Variants in ARIH2 observed in about 807,000 individuals in gnomAD.
The protein encoded by ARIH2 is E3 ubiquitin-protein ligase ARIH2.
ARIH2 carries 12 observed loss-of-function variants against 79.8 expected under a neutral mutation model. That is an observed-to-expected ratio of 0.15 (90% CI 0.10 to 0.24). The LOEUF is 0.24. Among genes scored for constraint, ARIH2 ranks in the 10% least tolerant of loss-of-function variants. ARIH2 has a pLI of 1.00. For missense variants in ARIH2, 301 were observed against 618.3 expected (o/e 0.49, Z 5.44); for synonymous variants, 224 against 213.9 (o/e 1.05, Z -0.41).
At chr3:48,971,533 C>T (rs528434128) in intron 8 of ARIH2, among the ~76,000 whole-genome samples, 3 of 152,248 alleles carry the variant, frequency 2.0e-5, no homozygotes, top group African/African-American at 4.8e-5. Context: ...TTGAGCCAAC[C>T]GCGCCTAGCC....
At chr3:48,937,029 A>G (rs1461199875) in intron 3 of ARIH2, among the ~76,000 whole-genome samples, 1 of 151,396 alleles carries the variant, frequency 6.6e-6, no homozygotes, top group Non-Finnish European at 1.5e-5. Flanking sequence ...CTCCGTCTCA[A>G]AAAAAAAAAC....
chr3:48,977,295 GT>G (rs1221385584), intron 11 of ARIH2, among the ~76,000 whole-genome samples: 1 of 151,884 alleles, frequency 6.6e-6, no homozygotes, highest in East Asian at 1.9e-4. Flanking sequence ...GTGGTTTTTT[GT>G]TTTGTTTTGT....
chr3:48,978,086 TTC>T lies in ARIH2; in HGVS notation c.962-1393_962-1392del, dbSNP rs368001356. On this transcript the variant is annotated intron_variant, in intron 11 of 15. Coordinates refer to ENST00000356401, the MANE Select transcript of ARIH2 (RefSeq NM_006321.4). ...CAGGAGGACTTCAGACAAGTTTTGC[TTC>T]TCATAGCAGCCTTGACACAGATATA... is the stretch of plus-strand genomic sequence containing the variant. Among the ~76,000 whole-genome samples the T allele has an allele frequency of 3.8e-4, 58 of 152,250 alleles. 1 individual carries two copies. In the East Asian group the frequency reaches 6.0e-3, roughly 16 times the overall value.
At chr3:48,961,455 C>T (rs1192611817) in intron 3 of ARIH2, among the ~76,000 whole-genome samples, 157 bp from the exon 4 acceptor site, 1 of 152,064 alleles carries the variant, frequency 6.6e-6, no homozygotes, top group African/African-American at 2.4e-5. Context: ...TTGTAAGAGT[C>T]TAAACTTAAA....
chr3:48,967,580 C>G (rs541583520), intron 6 of ARIH2, among the ~76,000 whole-genome samples: 1 of 152,332 alleles, frequency 6.6e-6, no homozygotes, highest in South Asian at 2.1e-4. Flanking sequence ...GCAGCCATAA[C>G]TCAGAAATGC....
At chr3:48,953,960 T>G (rs1211520106) in intron 3 of ARIH2, among the ~76,000 whole-genome samples, 2 of 148,318 alleles carry the variant, frequency 1.3e-5, no homozygotes, top group African/African-American at 5.0e-5. Flanking sequence ...GGTCTGGAGT[T>G]TGAGACCAGC....
At chr3:48,968,455 T>A in intron 6 of ARIH2, 79 bp from the exon 7 acceptor site, 2 of 1,442,602 alleles carry the variant, frequency 1.4e-6, no homozygotes, top group Non-Finnish European at 1.9e-6. Flanking sequence ...GTGATCTGCC[T>A]GCCTTGGCCT....
chr3:48,936,759 G>A (rs1274457346), intron 3 of ARIH2, among the ~76,000 whole-genome samples: 2 of 149,106 alleles, frequency 1.3e-5, no homozygotes, highest in Middle Eastern at 4.1e-3. Context: ...GCCGGGCGCT[G>A]TGGCTCATGC....
At chr3:48,975,751 G>T (rs1458428036) in intron 11 of ARIH2, among the ~76,000 whole-genome samples, 1 of 151,882 alleles carries the variant, frequency 6.6e-6, no homozygotes, top group Non-Finnish European at 1.5e-5. Flanking sequence ...TTTTAGTAGA[G>T]ATGGGGGTTT....
At chr3:48,951,129 AT>A (rs2107392351) in intron 3 of ARIH2, among the ~76,000 whole-genome samples, 1 of 151,716 alleles carries the variant, frequency 6.6e-6, no homozygotes, top group African/African-American at 2.4e-5. Context: ...TGCCCAGCTA[AT>A]TTTTTGTACT....
intron 3 of ARIH2, chr3:48,943,673 C>T (rs1305821985): frequency 6.6e-6 from 1 of 151,946 alleles, no homozygotes; most frequent in East Asian, 1.9e-4. Context: ...ATGTTTCTAG[C>T]AAAAAGGGGT....
chr3:48,986,082 T>G lies in ARIH2; in HGVS notation c.*2812T>G, dbSNP rs559281709. The G allele has an allele frequency of 2.9e-3, 445 of 152,344 alleles. 4 individuals are homozygous for G. The highest frequency in any genetic ancestry group is 0.01 in the African/African-American group (422 of 41,546). The allele number at this position is 152,344 out of a possible 1,614,324, so 9.4% of individuals were successfully genotyped here. A position where few individuals can be genotyped will look rare whatever the true frequency, so the allele number is the denominator to read the frequency against. On this transcript the variant is annotated 3_prime_UTR_variant, in exon 16 of 16. Coordinates refer to ENST00000356401, the MANE Select transcript of ARIH2 (RefSeq NM_006321.4). ...TGTGGTGTCAGAAGTGGCAGTAGTG[T>G]CAGTGATAAGTAGCTCAGGGGTAGA...
At position 48,968,797 on chromosome 3, in the gene ARIH2, T is replaced by G. The variant is rs971234039; in HGVS notation, c.660+142T>G. 3 of 1,103,658 alleles carry G rather than the reference T, an allele frequency of 2.7e-6. No homozygotes were observed. The African/African-American group carries it at 4.8e-5, about 18-fold the overall frequency. 68.4% of individuals were successfully genotyped at this position (1,103,658 alleles called of 1,614,324 possible). The stretch of plus-strand genomic sequence containing the variant: ...GCGCTCCATGGCTTTAAAAAAAGTT[T>G]GAAAACCACTGGAGTGATAGTGAAG... On this transcript the variant is annotated intron_variant, in intron 7 of 15. Coordinates refer to ENST00000356401, the MANE Select transcript of ARIH2 (RefSeq NM_006321.4).
Position 48,927,841 on chromosome 3 carries a change from AT to A in ARIH2, c.255+29del, listed in dbSNP as rs761599424. The A allele has an allele frequency of 2.5e-6, 4 of 1,606,922 alleles. No individual in the cohort carries two copies. The African/African-American group carries it at 5.3e-5, about 21-fold the overall frequency. On this transcript the variant is annotated intron_variant, in intron 3 of 15. Coordinates refer to ENST00000356401, the MANE Select transcript of ARIH2 (RefSeq NM_006321.4). ...GAGCAGTGTTGTAAACTCCAGTGTA[AT>A]CCCCCCCAGTTAAATCTAAGGATGA...
chr3:48,934,713 T>A, intron 3 of ARIH2: 1 of 985,462 alleles, frequency 1.0e-6, no homozygotes, highest in Non-Finnish European at 1.2e-6. Flanking sequence ...CGATGAGAAA[T>A]GTCCAGAGTG....
At chr3:48,978,915 C>T (rs1223240666) in intron 11 of ARIH2, among the ~76,000 whole-genome samples, 2 of 151,086 alleles carry the variant, frequency 1.3e-5, no homozygotes, top group Non-Finnish European at 2.9e-5. Flanking sequence ...AAGCCAAGAT[C>T]GCGCCACTGC....
intron 3 of ARIH2, among the ~76,000 whole-genome samples, chr3:48,959,649 C>CAAAAAAAAAAAAAAAAAAAAAA (rs71077758): frequency 8.0e-5 from 4 of 50,120 alleles, no homozygotes; most frequent in East Asian, 7.3e-4. Context: ...TAAAAAATAC[C>CAAAAAAAAAAAAAAAAAAAAAA]AAAAAAAAAA....
At chr3:48,952,840 G>A (rs2090126347) in intron 3 of ARIH2, among the ~76,000 whole-genome samples, 1 of 152,172 alleles carries the variant, frequency 6.6e-6, no homozygotes, top group South Asian at 2.1e-4. Context: ...GCAAGATAAG[G>A]TATGAGAAAT....
chr3:48,933,612 C>T (rs1043824480), intron 3 of ARIH2, among the ~76,000 whole-genome samples: 14 of 146,692 alleles, frequency 9.5e-5, no homozygotes, highest in South Asian at 2.1e-4. Context: ...TGCAGTGGCA[C>T]GATCTCGGTT....
Sources: allele counts gnomAD v4.1 joint callset (sites outside exome capture counted in the v4.1 genomes callset), GRCh38; gene constraint gnomAD v4.1.1; transcripts MANE v1.5; gene names NCBI Gene and HGNC (gene_info 2026-07-23, HGNC 2026-07-21).